ARPP21: variants seen among roughly 807,000 people sequenced by gnomAD.
ARPP21 encodes the protein cAMP regulated phosphoprotein 21.
A neutral mutation model predicts 113.2 loss-of-function variants in ARPP21; 69 were observed. The ratio of observed to expected loss-of-function variants is 0.61; its 90% CI spans 0.50 to 0.74. The LOEUF is 0.74. Among genes scored for constraint, ARPP21 ranks in the 30% least tolerant of loss-of-function variants. The pLI, the probability that ARPP21 is intolerant of heterozygous loss-of-function variation, is 0.00. For missense variants in ARPP21, 1,070 were observed against 1,037.4 expected, an observed-to-expected ratio of 1.03 and a Z score of -0.43; for synonymous variants, 368 against 375.5, an observed-to-expected ratio of 0.98 and a Z score of 0.23.
At chr3:35,680,459 T>C (rs2078576490) in intron 2 of ARPP21, among the ~76,000 whole-genome samples, 2 of 151,934 alleles carry the variant, frequency 1.3e-5, no homozygotes, top group African/African-American at 4.8e-5. Context: ...AAGATATCAT[T>C]AGATACCATC....
At chr3:35,697,636 C>T (rs1474529902) in intron 9 of ARPP21, among the ~76,000 whole-genome samples, 1 of 151,598 alleles carries the variant, frequency 6.6e-6, no homozygotes, top group Non-Finnish European at 1.5e-5. Context: ...TTTCCACTTT[C>T]TCAGTGGGTA....
chr3:35,791,201 A>G (rs952994407), intron 19 of ARPP21, among the ~76,000 whole-genome samples: 6 of 152,350 alleles, frequency 3.9e-5, no homozygotes, highest in South Asian at 4.1e-4. Flanking sequence ...AAAGACTCTC[A>G]GAGGCACTCA....
intron 1 of ARPP21, among the ~76,000 whole-genome samples, chr3:35,665,780 G>T (rs2074216929): frequency 6.6e-6 from 1 of 152,080 alleles, no homozygotes; most frequent in Non-Finnish European, 1.5e-5. Flanking sequence ...CTTCCCCCTG[G>T]AGTCTCCTAG....
chr3:35,653,481 T>C (rs1303573413), intron 1 of ARPP21, among the ~76,000 whole-genome samples: 1 of 151,982 alleles, frequency 6.6e-6, no homozygotes, highest in Non-Finnish European at 1.5e-5. Context: ...ACACGGAAAT[T>C]TGTCTGCATG....
intron 19 of ARPP21, among the ~76,000 whole-genome samples, chr3:35,747,356 A>G (rs938090885): frequency 6.5e-5 from 8 of 122,340 alleles, no homozygotes; most frequent in African/African-American, 2.8e-4. Context: ...GCAAGACTCC[A>G]TCTAAAAAAA....
At chr3:35,753,668 T>C (rs1056709584) in intron 19 of ARPP21, among the ~76,000 whole-genome samples, 3 of 152,032 alleles carry the variant, frequency 2.0e-5, no homozygotes, top group African/African-American at 7.2e-5. Flanking sequence ...AGCCACAATT[T>C]CTTTTCTGAT....
At chr3:35,751,266 A>C (rs996116552) in intron 19 of ARPP21, among the ~76,000 whole-genome samples, 1 of 151,952 alleles carries the variant, frequency 6.6e-6, no homozygotes, top group Non-Finnish European at 1.5e-5. Flanking sequence ...ACCCTCCCCT[A>C]CTCCCAACTA....
At chr3:35,683,946 T>A (rs1012372746) in intron 5 of ARPP21, 131 bp downstream of exon 5, 2 of 1,171,142 alleles carry the variant, frequency 1.7e-6, no homozygotes, top group Admixed American at 3.4e-5. Flanking sequence ...ATTTTTTGGC[T>A]TTATCCCCTG....
chr3:35,748,094 GAA>G (rs776636457), intron 19 of ARPP21, among the ~76,000 whole-genome samples: 22 of 122,642 alleles, frequency 1.8e-4, no homozygotes, highest in Middle Eastern at 4.5e-3. Flanking sequence ...AAGAAAGAAA[GAA>G]AGAAAGAAAG....
intron 19 of ARPP21, among the ~76,000 whole-genome samples, chr3:35,751,464 G>T (rs1406840893): frequency 6.6e-6 from 1 of 152,060 alleles, no homozygotes; most frequent in Admixed American, 6.6e-5. Flanking sequence ...TCTGTTCTGC[G>T]TGAGTAAGTA....
intron 1 of ARPP21, among the ~76,000 whole-genome samples, chr3:35,659,589 A>G (rs1201362568): frequency 1.3e-5 from 2 of 152,124 alleles, no homozygotes; most frequent in African/African-American, 4.8e-5. Context: ...AGGCCCTAGG[A>G]TAAGTGCTGG....
intron 1 of ARPP21, among the ~76,000 whole-genome samples, chr3:35,667,527 A>G (rs926465839): frequency 1.1e-4 from 16 of 152,136 alleles, no homozygotes; most frequent in African/African-American, 3.1e-4. Flanking sequence ...AGAGAGGGTT[A>G]AGTCACTTTC....
At chr3:35,737,157 T>G (rs987766952) in intron 15 of ARPP21, 21 bp from the exon 16 acceptor site, 2 of 1,508,520 alleles carry the variant, frequency 1.3e-6, no homozygotes, top group Non-Finnish European at 1.8e-6. Flanking sequence ...TTACCTGGAC[T>G]AAGTTCTGAT....
chr3:35,788,366 A>G (rs972987771), intron 19 of ARPP21, among the ~76,000 whole-genome samples: 1 of 152,204 alleles, frequency 6.6e-6, no homozygotes, highest in Non-Finnish European at 1.5e-5. Flanking sequence ...CAAGAGAAGT[A>G]ATTTTTATAT....
chr3:35,657,984 T>C (rs536462604), intron 1 of ARPP21, among the ~76,000 whole-genome samples: 8 of 152,246 alleles, frequency 5.3e-5, no homozygotes, highest in Non-Finnish European at 7.4e-5. Context: ...CTTTTGTATG[T>C]TAGTGGGATA....
At chr3:35,785,477 A>G (rs1329646313) in intron 19 of ARPP21, among the ~76,000 whole-genome samples, 1 of 151,910 alleles carries the variant, frequency 6.6e-6, no homozygotes. Context: ...TCCTCTAGTC[A>G]TTTAACAATG....
At position 35,701,189 on chromosome 3, in the gene ARPP21, T is replaced by C. The variant is rs532485724; in HGVS notation, c.687-5785T>C. ...CAAACAATCTGTAAAATGATCCCCA[T>C]GTAAAACTTGAAATGTTTTGATAAT... On this transcript the variant is annotated intron_variant, in intron 9 of 20. Coordinates refer to ENST00000684406, the MANE Select transcript of ARPP21 (RefSeq NM_001385562.1). Among the ~76,000 whole-genome samples the C allele has an allele frequency of 4.8e-4, 73 of 151,726 alleles. No individual in the cohort carries two copies. The South Asian group carries it at 5.0e-3, about 10-fold the overall frequency.
At chr3:35,643,119 C>CA (rs749978719) in intron 1 of ARPP21, among the ~76,000 whole-genome samples, 6,164 of 152,080 alleles carry the variant, frequency 0.041, 181 homozygotes, top group Admixed American at 0.08. Flanking sequence ...TCAGAAAGGT[C>CA]TTGTGTTGAT....
chr3:35,766,902 A>G (rs1226987754), intron 19 of ARPP21, among the ~76,000 whole-genome samples: 1 of 152,092 alleles, frequency 6.6e-6, no homozygotes, highest in East Asian at 1.9e-4. Context: ...TTCCAAGGCA[A>G]TGGTGTGAGC....
Sources: gnomAD v4.1 joint callset for allele counts (sites outside exome capture counted in the v4.1 genomes callset) on GRCh38, gnomAD v4.1.1 for gene constraint, MANE v1.5 for transcripts, NCBI Gene and HGNC (gene_info 2026-07-23, HGNC 2026-07-21) for gene names.